LARP4B: variants seen among roughly 807,000 people sequenced by gnomAD.
The protein encoded by LARP4B is la-related protein 4B.
A neutral mutation model predicts 89.8 loss-of-function variants in LARP4B; 12 were observed. That is an observed-to-expected ratio of 0.13 (90% CI 0.09 to 0.22). LARP4B has a LOEUF of 0.22. LARP4B is among the 10% of genes least tolerant of loss of function. The pLI is 1.00. For synonymous variants in LARP4B, 367 were observed against 363.3 expected (o/e 1.01, Z -0.12); for missense variants, 757 against 947.7 (o/e 0.80, Z 2.64).
rs75293045 is a variant in LARP4B at position 893,355 on chromosome 10, A to G, written c.-39-7595T>C. Among the ~76,000 whole-genome samples, 231 of 152,362 alleles carry G rather than the reference A, an allele frequency of 1.5e-3. 1 individual carries two copies. The highest frequency in any genetic ancestry group is 5.3e-3 in the African/African-American group (222 of 41,580). ...ATTCACACTGAACAGGATAAAGTTG[A>G]TAAGAATTTCCTTAATGTTAGGTAC... On this transcript the variant is annotated intron_variant, in intron 1 of 17. Coordinates refer to ENST00000316157, the MANE Select transcript of LARP4B (RefSeq NM_015155.3).
chr10:942,118 T>C, the LARP4B span: 1 of 152,342 alleles, frequency 6.6e-6, no homozygotes, highest in Middle Eastern at 3.4e-3. Flanking sequence ...ATATTCCCTA[T>C]GTTAAGAAGG....
At chr10:968,008 T>G in the LARP4B span, among the ~76,000 whole-genome samples, 1 of 152,214 alleles carries the variant, frequency 6.6e-6, no homozygotes, top group South Asian at 2.1e-4. Context: ...GGCCCTGTTT[T>G]CTATGTTCTA....
the LARP4B span, among the ~76,000 whole-genome samples, chr10:975,126 G>C: frequency 0.19 from 29,358 of 152,216 alleles, 2,965 homozygotes; most frequent in East Asian, 0.28. Flanking sequence ...ATAAAAATTT[G>C]ATGTTTAAAA....
At chr10:919,418 T>G (rs1161866643) in intron 1 of LARP4B, among the ~76,000 whole-genome samples, 1 of 152,020 alleles carries the variant, frequency 6.6e-6, no homozygotes, top group African/African-American at 2.4e-5. Context: ...GTTCTTCCTG[T>G]ATTGGATGAT....
the LARP4B span, among the ~76,000 whole-genome samples, chr10:977,667 A>C: frequency 2.0e-5 from 3 of 152,224 alleles, no homozygotes; most frequent in Non-Finnish European, 4.4e-5. Flanking sequence ...TTCCCTAAAC[A>C]ATATAGTACA....
chr10:911,832 C>G (rs1836673833), intron 1 of LARP4B, among the ~76,000 whole-genome samples: 1 of 152,170 alleles, frequency 6.6e-6, no homozygotes, highest in Admixed American at 6.5e-5. Context: ...GTGAGAGAGA[C>G]CCTGACTTTT....
At chr10:862,256 T>TAAAAAAAAAAAA (rs10661482) in intron 5 of LARP4B, among the ~76,000 whole-genome samples, 20 of 84,410 alleles carry the variant, frequency 2.4e-4, no homozygotes, top group African/African-American at 8.8e-4. Context: ...CCACTGAAGT[T>TAAAAAAAAAAAA]AAAAAAAAAA....
upstream of LARP4B, among the ~76,000 whole-genome samples, chr10:933,392 C>T (rs759216269): frequency 2.6e-5 from 4 of 152,028 alleles, no homozygotes; most frequent in Non-Finnish European, 5.9e-5. Context: ...AGATGGGAGC[C>T]GGTGTACCCA....
At chr10:931,201 G>C (rs1486719909) in intron 1 of LARP4B, among the ~76,000 whole-genome samples, 1 of 147,026 alleles carries the variant, frequency 6.8e-6, no homozygotes, top group African/African-American at 2.5e-5. Flanking sequence ...GCTTTTTCCT[G>C]GCCCTGACCC....
chr10:827,538 C>T (rs1209515273), intron 11 of LARP4B, among the ~76,000 whole-genome samples: 1 of 152,174 alleles, frequency 6.6e-6, no homozygotes, highest in Admixed American at 6.5e-5. Context: ...ACAAAGGACG[C>T]ACATGTTTTA....
rs1412374958 is a variant in LARP4B at position 931,502 on chromosome 10, C to A, written c.-114G>T. 1 of 149,682 alleles carries A rather than the reference C, an allele frequency of 6.7e-6. No individual in the cohort carries two copies. The highest frequency in any genetic ancestry group is 1.5e-5 in the Non-Finnish European group (1 of 66,864). The allele number at this position is 149,682 out of a possible 1,614,324, so 9.3% of individuals were successfully genotyped here. A position where few individuals can be genotyped will look rare whatever the true frequency, so the allele number is the denominator to read the frequency against. ...TCAACCCCGGGGCCCGGCGGCCGCG[C>A]CACACGCGGGGACGGCGAGGAGAGA... On this transcript the variant is annotated 5_prime_UTR_variant, in exon 1 of 18. Transcript: ENST00000316157.
intron 7 of LARP4B, among the ~76,000 whole-genome samples, chr10:840,505 A>G (rs1202555574): frequency 6.6e-6 from 1 of 152,190 alleles, no homozygotes; most frequent in Non-Finnish European, 1.5e-5. Context: ...TCTTGTTGGA[A>G]TATGTAGGCC....
chr10:864,856 G>A (rs1834817257), intron 3 of LARP4B, among the ~76,000 whole-genome samples: 1 of 152,194 alleles, frequency 6.6e-6, no homozygotes, highest in Non-Finnish European at 1.5e-5. Flanking sequence ...GAGAGGCTGA[G>A]GCAGGAGAAT....
Position 838,914 on chromosome 10 carries a change from G to T in LARP4B, c.647-2408C>A, listed in dbSNP as rs114340996. On this transcript the variant is annotated intron_variant, in intron 7 of 17. Coordinates refer to ENST00000316157, the MANE Select transcript of LARP4B (RefSeq NM_015155.3). ...GCAAACTGTGGGACATCCAGACAAT[G>T]AACTATTATTCCACACTAAAAAGAA... is the stretch of plus-strand genomic sequence containing the variant. 1.3e-3 allele frequency among the ~76,000 whole-genome samples: 202 copies of T among 152,260 alleles called. 1 individual carries two copies. Among genetic ancestry groups the T allele is most frequent in the African/African-American group, 4.8e-3 (198 of 41,542 alleles).
chr10:811,441 T>G lies in LARP4B; in HGVS notation c.*1485A>C, dbSNP rs1450335493. On this transcript the variant is annotated 3_prime_UTR_variant, in exon 18 of 18. Transcript: ENST00000316157. ...CTGAAAAAAGATCAACTGTTGAAGA[T>G]CTTTAAGGTATATTACAAAAACTAC... is the stretch of plus-strand genomic sequence containing the variant. 1.3e-5 allele frequency: 2 copies of G among 152,622 alleles called. No homozygotes were observed. Among genetic ancestry groups the G allele is most frequent in the Non-Finnish European group, 2.9e-5 (2 of 68,046 alleles). 9.5% of individuals were successfully genotyped at this position (152,622 alleles called of 1,614,324 possible).
At chr10:921,349 A>G (rs1291860127) in intron 1 of LARP4B, among the ~76,000 whole-genome samples, 1 of 152,174 alleles carries the variant, frequency 6.6e-6, no homozygotes, top group Non-Finnish European at 1.5e-5. Context: ...TCATATAATT[A>G]TCTAACACAA....
chr10:836,298 C>A, intron 8 of LARP4B, 105 bp downstream of exon 8: 1 of 755,120 alleles, frequency 1.3e-6, no homozygotes, highest in South Asian at 1.7e-5. Context: ...AGTACTCAGT[C>A]TAAAAAACAC....
At chr10:840,496 C>A (rs61830906) in intron 7 of LARP4B, among the ~76,000 whole-genome samples, 3 of 152,130 alleles carry the variant, frequency 2.0e-5, no homozygotes, top group African/African-American at 4.8e-5. Context: ...AAAATTTATT[C>A]TTGTTGGAAT....
At chr10:962,648 A>C in the LARP4B span, among the ~76,000 whole-genome samples, 2 of 152,226 alleles carry the variant, frequency 1.3e-5, no homozygotes, top group Non-Finnish European at 2.9e-5. Context: ...TCAAGGTCCC[A>C]AGCCAGTTGA....
Sources: gnomAD v4.1 joint callset for allele counts (sites outside exome capture counted in the v4.1 genomes callset) on GRCh38, gnomAD v4.1.1 for gene constraint, MANE v1.5 for transcripts, NCBI Gene and HGNC (gene_info 2026-07-23, HGNC 2026-07-21) for gene names.